Variants in RELL1 observed in about 807,000 individuals in gnomAD.
RELL1 encodes the protein RELT like 1, also known as RELT-like protein 1.
In RELL1, 10 loss-of-function variants were observed where a neutral mutation model predicts 23.0. The ratio of observed to expected loss-of-function variants is 0.43; its 90% CI spans 0.27 to 0.74. RELL1 has a LOEUF of 0.74. Among genes scored for constraint, RELL1 ranks in the 30% least tolerant of loss-of-function variants. RELL1 has a pLI of 0.19. For missense variants in RELL1, 315 were observed against 364.4 expected (o/e 0.86, Z 1.10); for synonymous variants, 146 against 146.8 (o/e 0.99, Z 0.04).
At chr4:37,609,177 T>C (rs1719304718), downstream of RELL1, among the ~76,000 whole-genome samples, 1 of 152,198 alleles carries the variant, frequency 6.6e-6, no homozygotes, top group Non-Finnish European at 1.5e-5. Context: ...AACATAGCTG[T>C]CAACTTTAGG....
In RELL1 at chr4:37,683,843, A is replaced by G. The variant is rs370439220; in HGVS notation, c.88+2357T>C. ...ACGCCTGTAATCCCAGCACTTTGGG[A>G]GGCCAAGGTGGGCGGATCACGAGGT... On this transcript the variant is annotated intron_variant, in intron 1 of 6. Coordinates refer to ENST00000454158, the MANE Select transcript of RELL1 (RefSeq NM_001085400.2). Among the ~76,000 whole-genome samples the G allele has an allele frequency of 4.5e-3, 679 of 152,200 alleles. 7 individuals are homozygous for G. Among genetic ancestry groups the G allele is most frequent in the African/African-American group, 0.016 (653 of 41,530 alleles).
At chr4:37,628,504 A>G (rs772935453) in intron 6 of RELL1, among the ~76,000 whole-genome samples, 1 of 152,214 alleles carries the variant, frequency 6.6e-6, no homozygotes, top group Non-Finnish European at 1.5e-5. Context: ...CATCCATGAT[A>G]CTATTCTACT....
chr4:37,668,328 G>T (rs1405500287), intron 1 of RELL1, among the ~76,000 whole-genome samples: 1 of 151,408 alleles, frequency 6.6e-6, no homozygotes, highest in Non-Finnish European at 1.5e-5. Context: ...TGATTCTCCT[G>T]CCTCAGCCTG....
At chr4:37,664,018 G>T (rs1721445178) in intron 1 of RELL1, among the ~76,000 whole-genome samples, 2 of 152,202 alleles carry the variant, frequency 1.3e-5, no homozygotes, top group African/African-American at 4.8e-5. Context: ...AATGAAATTT[G>T]TAGTGGCTTC....
intron 1 of RELL1, among the ~76,000 whole-genome samples, chr4:37,661,469 G>A (rs769434839): frequency 7.9e-5 from 12 of 152,050 alleles, no homozygotes; most frequent in Admixed American, 2.6e-4. Context: ...TAGTAGAGAC[G>A]GAGTTTCACC....
intron 6 of RELL1, among the ~76,000 whole-genome samples, chr4:37,624,805 A>G (rs1277573080): frequency 6.6e-6 from 1 of 152,166 alleles, no homozygotes. Flanking sequence ...GACAAATACT[A>G]TCTATTTCTG....
chr4:37,631,149 C>T (rs1720115627), intron 6 of RELL1, among the ~76,000 whole-genome samples: 1 of 152,112 alleles, frequency 6.6e-6, no homozygotes, highest in Admixed American at 6.5e-5. Context: ...ATCCTCTATC[C>T]TCATTATCAC....
chr4:37,644,661 C>T (rs185565175), intron 3 of RELL1, among the ~76,000 whole-genome samples: 2,778 of 151,564 alleles, frequency 0.018, 39 homozygotes, highest in Non-Finnish European at 0.023. Context: ...GGTTTCACCA[C>T]GTTGGCCAGG....
In RELL1 at chr4:37,613,017, C is replaced by G. The variant is rs1036063695; in HGVS notation, c.*329G>C. The G allele has an allele frequency of 6.6e-6, 1 of 152,186 alleles. No individual in the cohort carries two copies. The highest frequency in any genetic ancestry group is 2.4e-5 in the African/African-American group (1 of 41,414). 9.4% of individuals were successfully genotyped at this position (152,186 alleles called of 1,614,324 possible). A position where few individuals can be genotyped will look rare whatever the true frequency, so the allele number is the denominator to read the frequency against. On this transcript the variant is annotated 3_prime_UTR_variant, in exon 7 of 7. Transcript: ENST00000454158. ...TACATGAATAGTATCACTGCACATA[C>G]TCATCATAATGGAAAAACTACAGTG...
At chr4:37,590,737 G>T (rs1243968336), downstream of RELL1, 4 of 1,614,178 alleles carry the variant, frequency 2.5e-6, no homozygotes, top group East Asian at 2.2e-5. Context: ...GGGGGAGCAT[G>T]GTTTGAATAC....
intron 6 of RELL1, among the ~76,000 whole-genome samples, chr4:37,593,740 T>C (rs1346575318): frequency 1.3e-5 from 2 of 152,130 alleles, no homozygotes; most frequent in Non-Finnish European, 2.9e-5. Context: ...ACAGGAGGTC[T>C]CAAAACCCAA....
chr4:37,604,798 G>GACACACACACACACACACACAC (rs368655689), intron 6 of RELL1, among the ~76,000 whole-genome samples: 1 of 116,432 alleles, frequency 8.6e-6, no homozygotes, highest in Non-Finnish European at 1.8e-5. Context: ...CACACACACA[G>GACACACACACACACACACACAC]ACACACACAC....
intron 4 of RELL1, among the ~76,000 whole-genome samples, chr4:37,637,581 C>G (rs773635668): frequency 6.6e-6 from 1 of 152,192 alleles, no homozygotes; most frequent in Admixed American, 6.5e-5. Flanking sequence ...CCCGGGGTCC[C>G]CCAGAGCCTT....
rs545418597 is a variant in RELL1, at chr4:37,648,573, G to A, written c.313+703C>T. On this transcript the variant is annotated intron_variant, in intron 2 of 6. Transcript: ENST00000454158. ...ATGATGGGAAAGAAACATCAGTGGC[G>A]AAAACAGGATTTCGTCTCCCCGGTT... Among the ~76,000 whole-genome samples the A allele has an allele frequency of 2.0e-5, 3 of 152,340 alleles. No homozygotes were observed. In the South Asian group the frequency reaches 6.2e-4, roughly 32 times the overall value.
chr4:37,647,503 C>A, intron 2 of RELL1, 64 bp from the exon 3 acceptor site: 2 of 1,131,790 alleles, frequency 1.8e-6, no homozygotes, highest in Non-Finnish European at 2.7e-6. Context: ...GTCAATCAAT[C>A]TTAGAACCCA....
At chr4:37,686,111 G>T in intron 1 of RELL1, 89 bp downstream of exon 1, 1 of 1,119,046 alleles carries the variant, frequency 8.9e-7, no homozygotes, top group Non-Finnish European at 1.3e-6. Flanking sequence ...GCAGGACGCC[G>T]CGGGGCTGCC....
At chr4:37,631,258 C>T (rs1352974573) in intron 6 of RELL1, 127 bp downstream of exon 6, 5 of 1,069,078 alleles carry the variant, frequency 4.7e-6, no homozygotes, top group Non-Finnish European at 6.8e-6. Flanking sequence ...CTTCCTGGGT[C>T]AAGGAAAGCT....
chr4:37,671,150 C>G (rs1721821280), intron 1 of RELL1, among the ~76,000 whole-genome samples: 1 of 152,226 alleles, frequency 6.6e-6, no homozygotes, highest in Admixed American at 6.5e-5. Context: ...CAGATGCCAG[C>G]CGCAAATGGG....
At chr4:37,673,197 T>TTTTTTTTC (rs1560359447) in intron 1 of RELL1, among the ~76,000 whole-genome samples, 1 of 116,372 alleles carries the variant, frequency 8.6e-6, no homozygotes, top group Non-Finnish European at 1.8e-5. Context: ...TTTTTTTTTT[T>TTTTTTTTC]TTTTTTTTTT....
Sources: gnomAD v4.1 joint callset for allele counts (sites outside exome capture counted in the v4.1 genomes callset) on GRCh38, gnomAD v4.1.1 for gene constraint, MANE v1.5 for transcripts, NCBI Gene and HGNC (gene_info 2026-07-23, HGNC 2026-07-21) for gene names.